The following TNR variants were observed in gnomAD, a reference collection of about 807,000 sequenced individuals.
TNR encodes the protein tenascin-R.
TNR carries 45 observed loss-of-function variants against 150.4 expected under a neutral mutation model. That is an observed-to-expected ratio of 0.30 (90% CI 0.24 to 0.38). TNR has a LOEUF of 0.38. Ranked by LOEUF, TNR falls within the 10% of genes least tolerant of loss-of-function variation. The probability of loss-of-function intolerance (pLI) is 1.00; values close to 1 mark genes in which losing one functional copy is unlikely to be tolerated. For synonymous variants in TNR, 687 were observed against 678.4 expected, an observed-to-expected ratio of 1.01 and a Z score of -0.20; for missense variants, 1,544 against 1,759.1, an observed-to-expected ratio of 0.88 and a Z score of 2.19.
intron 1 of TNR, among the ~76,000 whole-genome samples, chr1:175,655,530 A>G (rs1057284140): frequency 1.3e-5 from 2 of 152,174 alleles, no homozygotes; most frequent in African/African-American, 4.8e-5. Flanking sequence ...TCTTTCCACC[A>G]CACTAGGCTG....
chr1:175,723,775 G>A (rs1210787792), intron 1 of TNR, among the ~76,000 whole-genome samples: 1 of 152,122 alleles, frequency 6.6e-6, no homozygotes, highest in African/African-American at 2.4e-5. Context: ...CTATTCAAGA[G>A]GCTGAGAATC....
chr1:175,519,432 T>C (rs548301424), intron 2 of TNR, among the ~76,000 whole-genome samples: 1 of 152,356 alleles, frequency 6.6e-6, no homozygotes, highest in South Asian at 2.1e-4. Context: ...GTGTGGTTGA[T>C]TGAAGGACCA....
chr1:175,488,731 A>G (rs1571511132), intron 2 of TNR, among the ~76,000 whole-genome samples: 2 of 152,312 alleles, frequency 1.3e-5, no homozygotes, highest in African/African-American at 4.8e-5. Flanking sequence ...AAGCAAGAAG[A>G]TGAAACTCCC....
intron 2 of TNR, among the ~76,000 whole-genome samples, chr1:175,448,115 C>T (rs1468991340): frequency 1.3e-5 from 2 of 152,212 alleles, no homozygotes; most frequent in African/African-American, 4.8e-5. Flanking sequence ...CTGTACTCTT[C>T]TCCTCAAACT....
intron 2 of TNR, among the ~76,000 whole-genome samples, chr1:175,435,261 A>G (rs1210814801): frequency 2.0e-5 from 3 of 152,180 alleles, no homozygotes; most frequent in Admixed American, 2.0e-4. Context: ...AAGAACAAGT[A>G]TGTCATGGTC....
intron 1 of TNR, among the ~76,000 whole-genome samples, chr1:175,663,651 A>G (rs1310348128): frequency 6.6e-6 from 1 of 151,470 alleles, no homozygotes; most frequent in Non-Finnish European, 1.5e-5. Flanking sequence ...AGGGAGGGGG[A>G]AGTCCTACAC....
At chr1:175,401,315 T>C (rs910771071) in intron 4 of TNR, among the ~76,000 whole-genome samples, 18 of 152,130 alleles carry the variant, frequency 1.2e-4, no homozygotes, top group South Asian at 4.1e-4. Context: ...AGAATAGCAT[T>C]AACACAGCGA....
At chr1:175,379,436 A>C in intron 9 of TNR, 116 bp downstream of exon 9, 2 of 861,048 alleles carry the variant, frequency 2.3e-6, no homozygotes, top group Non-Finnish European at 1.8e-6. Flanking sequence ...TAGGCACTTA[A>C]GAGATGAGAT....
At chr1:175,658,341 A>G (rs1291606369) in intron 1 of TNR, among the ~76,000 whole-genome samples, 1 of 152,184 alleles carries the variant, frequency 6.6e-6, no homozygotes, top group African/African-American at 2.4e-5. Context: ...TACTCTACAC[A>G]TCACCCTGCT....
chr1:175,417,144 C>T (rs548739949), intron 2 of TNR, among the ~76,000 whole-genome samples: 70 of 151,996 alleles, frequency 4.6e-4, no homozygotes, highest in Non-Finnish European at 8.1e-4. Flanking sequence ...CTAATACACA[C>T]GAAACTGAAG....
chr1:175,676,901 G>A (rs1356773134), intron 1 of TNR, among the ~76,000 whole-genome samples: 1 of 152,126 alleles, frequency 6.6e-6, no homozygotes, highest in Non-Finnish European at 1.5e-5. Context: ...CTCTACACAG[G>A]ACCTCACTTA....
At chr1:175,535,027 T>C (rs1660215795) in intron 1 of TNR, among the ~76,000 whole-genome samples, 1 of 152,190 alleles carries the variant, frequency 6.6e-6, no homozygotes, top group Non-Finnish European at 1.5e-5. Context: ...TCCTGATCTG[T>C]GGAACTGTGA....
intron 1 of TNR, among the ~76,000 whole-genome samples, chr1:175,723,203 C>G (rs1667365225): frequency 6.6e-6 from 1 of 152,244 alleles, no homozygotes; most frequent in South Asian, 2.1e-4. Flanking sequence ...TCCCACATAG[C>G]TTTCTTCATC....
chr1:175,657,883 A>ATG (rs1553251717), intron 1 of TNR, among the ~76,000 whole-genome samples: 4,743 of 101,058 alleles, frequency 0.047, 514 homozygotes, highest in Admixed American at 0.076. Flanking sequence ...ATATATATAT[A>ATG]TGTAACAAAC....
At chr1:175,401,417 C>T (rs1466723841) in intron 4 of TNR, among the ~76,000 whole-genome samples, 1 of 152,096 alleles carries the variant, frequency 6.6e-6, no homozygotes, top group East Asian at 1.9e-4. Context: ...AGCCTGGCTT[C>T]CCAGAAGGTG....
At chr1:175,726,968 A>G (rs1354524274) in intron 1 of TNR, among the ~76,000 whole-genome samples, 1 of 152,126 alleles carries the variant, frequency 6.6e-6, no homozygotes, top group Non-Finnish European at 1.5e-5. Context: ...AGTGACAGCC[A>G]AGCAGAAACA....
chr1:175,563,650 T>C (rs534350516), intron 1 of TNR, among the ~76,000 whole-genome samples: 4 of 152,326 alleles, frequency 2.6e-5, no homozygotes, highest in African/African-American at 9.6e-5. Context: ...TATACTAAGC[T>C]CTTTTGGCCC....
intron 21 of TNR, 126 bp from the exon 22 acceptor site, chr1:175,324,645 T>C: frequency 8.9e-7 from 1 of 1,124,792 alleles, no homozygotes; most frequent in Non-Finnish European, 1.3e-6. Flanking sequence ...TCCACCCAGT[T>C]TCTCAGAGTG....
Position 175,657,879 on chromosome 1 carries a change from A to ATATATATATATG in TNR, c.-165+85346_-165+85347insCATATATATATA, listed in dbSNP as rs1257413429. Among the ~76,000 whole-genome samples the ATATATATATATG allele has an allele frequency of 2.1e-4, 25 of 121,106 alleles. 2 individuals carry two copies. Among genetic ancestry groups the ATATATATATATG allele is most frequent in the African/African-American group, 6.8e-4 (23 of 33,598 alleles). The allele number at this position is 121,106 out of a possible 152,430, so 79.5% of individuals were successfully genotyped here. On this transcript the variant is annotated intron_variant, in intron 1 of 22. Transcript: ENST00000367674. ...TATATATATATATATATATATATAT[A>ATATATATATATG]TATATGTAACAAACCTGCACGTTGT...
Sources: gnomAD v4.1 joint callset for allele counts (sites outside exome capture counted in the v4.1 genomes callset) on GRCh38, gnomAD v4.1.1 for gene constraint, MANE v1.5 for transcripts, NCBI Gene and HGNC (gene_info 2026-07-23, HGNC 2026-07-21) for gene names.